The following PCSK5 variants were observed in gnomAD, a reference collection of about 807,000 sequenced individuals.
The protein encoded by PCSK5 is proprotein convertase subtilisin/kexin type 5.
Under a neutral mutation model 233.2 loss-of-function variants are expected in PCSK5, and 129 were observed. The ratio of observed to expected loss-of-function variants is 0.55; its 90% CI spans 0.48 to 0.64. The LOEUF (loss-of-function observed/expected upper bound fraction) is 0.64. Among genes scored for constraint, PCSK5 ranks in the 30% least tolerant of loss-of-function variants. The probability of loss-of-function intolerance (pLI) is 0.00; values close to 1 mark genes in which losing one functional copy is unlikely to be tolerated. For missense variants in PCSK5, 2,076 were observed against 2,430.1 expected, an observed-to-expected ratio of 0.85 and a Z score of 3.06; for synonymous variants, 825 against 879.2, an observed-to-expected ratio of 0.94 and a Z score of 1.09.
chr9:76,302,815 T>C (rs1828653597), intron 28 of PCSK5, among the ~76,000 whole-genome samples: 1 of 152,200 alleles, frequency 6.6e-6, no homozygotes, highest in African/African-American at 2.4e-5. Flanking sequence ...GACATCACAG[T>C]ACATGCCTTT....
intron 22 of PCSK5, among the ~76,000 whole-genome samples, chr9:76,234,957 C>T (rs1323607121): frequency 6.6e-6 from 1 of 152,164 alleles, no homozygotes. Context: ...GCTGCCCTAA[C>T]CTCCTTGCCT....
intron 3 of PCSK5, 120 bp downstream of exon 3, chr9:75,986,365 A>G: frequency 1.6e-6 from 1 of 639,458 alleles, no homozygotes; most frequent in East Asian, 2.7e-5. Flanking sequence ...TCCTATTTTA[A>G]TACCCACCAT....
chr9:76,065,226 T>G (rs1360480436), intron 5 of PCSK5, among the ~76,000 whole-genome samples: 1 of 152,246 alleles, frequency 6.6e-6, no homozygotes, highest in Non-Finnish European at 1.5e-5. Context: ...GCCATACTGT[T>G]TTCTGTAGTG....
In PCSK5 at chr9:76,047,676, G is replaced by T. The variant is rs187059371; in HGVS notation, c.633-20279G>T. On this transcript the variant is annotated intron_variant, in intron 5 of 37. Coordinates refer to ENST00000674117, the MANE Select transcript of PCSK5 (RefSeq NM_001372043.1). ...ACAACTTGCCCAATTTGGAGAGGCA[G>T]TGTAGGAGGGACTCATTAATGGGAT... Among the ~76,000 whole-genome samples the T allele has an allele frequency of 7.0e-4, 107 of 152,274 alleles. 1 individual carries two copies. Among genetic ancestry groups the T allele is most frequent in the African/African-American group, 2.5e-3 (104 of 41,552 alleles).
At chr9:76,245,463 CT>C (rs1826561307) in intron 24 of PCSK5, among the ~76,000 whole-genome samples, 1 of 152,170 alleles carries the variant, frequency 6.6e-6, no homozygotes, top group South Asian at 2.1e-4. Context: ...TCAAGGAAGG[CT>C]TTTAAGAAGA....
rs1824484824 is a variant in PCSK5 at position 76,192,981 on chromosome 9, ATC to A, written c.2626+3237_2626+3238del. On this transcript the variant is annotated intron_variant, in intron 20 of 37. Transcript: ENST00000674117. ...TGATTTCTAATTTATTCTTTTTCTA[ATC>A]TTTTTTTTTTTTCACAAATGGATAC... Among the ~76,000 whole-genome samples the A allele has an allele frequency of 1.0e-4, 8 of 79,404 alleles. No individual in the cohort carries two copies. In the South Asian group the frequency reaches 4.1e-3, roughly 41 times the overall value. The allele number at this position is 79,404 out of a possible 152,430, so 52.1% of individuals were successfully genotyped here. A position where few individuals can be genotyped will look rare whatever the true frequency, so the allele number is the denominator to read the frequency against.
rs111387861 is a variant in PCSK5, at chr9:76,168,735, A to G, written c.1620-969A>G. Among the ~76,000 whole-genome samples, 9 of 152,260 alleles carry G rather than the reference A, an allele frequency of 5.9e-5. 1 individual carries two copies. Among genetic ancestry groups the G allele is most frequent in the Middle Eastern group, 3.4e-3 (1 of 294 alleles). On this transcript the variant is annotated intron_variant, in intron 12 of 37. Coordinates refer to ENST00000674117, the MANE Select transcript of PCSK5 (RefSeq NM_001372043.1). ...TTTATTGAAGCATAATTTACCTACAATGTAAATTCAGTTTTTTATGTGAAT... is the reference window on the plus strand; with the variant it reads ...TTTATTGAAGCATAATTTACCTACAGTGTAAATTCAGTTTTTTATGTGAAT...
chr9:75,925,105 A>G (rs1017586250), intron 1 of PCSK5, among the ~76,000 whole-genome samples: 4 of 152,128 alleles, frequency 2.6e-5, no homozygotes, highest in Admixed American at 6.6e-5. Context: ...TATAAGTATG[A>G]TTTTTGTTCA....
intron 34 of PCSK5, among the ~76,000 whole-genome samples, chr9:76,333,072 A>T (rs578008893): frequency 2.0e-4 from 31 of 152,342 alleles, no homozygotes; most frequent in African/African-American, 7.0e-4. Context: ...GCTTCTATAG[A>T]AGCTGAGGCA....
intron 1 of PCSK5, among the ~76,000 whole-genome samples, chr9:75,905,861 C>T (rs570007617): frequency 2.1e-4 from 32 of 152,262 alleles, no homozygotes; most frequent in African/African-American, 7.0e-4. Context: ...CCTCCCCTGT[C>T]CATGGAAAAA....
At chr9:75,935,151 G>A (rs955030162) in intron 2 of PCSK5, among the ~76,000 whole-genome samples, 3 of 151,974 alleles carry the variant, frequency 2.0e-5, no homozygotes, top group East Asian at 1.9e-4. Context: ...CACTGCAACC[G>A]CTGTCTCCCG....
At chr9:75,950,781 C>T (rs2131323117) in intron 2 of PCSK5, among the ~76,000 whole-genome samples, 1 of 152,312 alleles carries the variant, frequency 6.6e-6, no homozygotes, top group African/African-American at 2.4e-5. Context: ...ACTGCATCAA[C>T]TAACGAGCAA....
At chr9:76,234,246 T>C (rs1156567205) in intron 22 of PCSK5, among the ~76,000 whole-genome samples, 1 of 152,134 alleles carries the variant, frequency 6.6e-6, no homozygotes, top group African/African-American at 2.4e-5. Flanking sequence ...AATTTAAAAA[T>C]TGGGACATTG....
chr9:75,898,676 A>C (rs1440761970), intron 1 of PCSK5, among the ~76,000 whole-genome samples: 2 of 108,638 alleles, frequency 1.8e-5, no homozygotes, highest in South Asian at 2.4e-4. Context: ...AAAAAAAAAA[A>C]ACCCACTAGA....
intron 9 of PCSK5, among the ~76,000 whole-genome samples, chr9:76,116,889 A>G (rs1416056999): frequency 6.6e-6 from 1 of 152,062 alleles, no homozygotes; most frequent in East Asian, 1.9e-4. Context: ...TAAACCGTAA[A>G]GGGAATGAAT....
chr9:76,122,476 C>T (rs1215352105), intron 9 of PCSK5, among the ~76,000 whole-genome samples: 2 of 152,100 alleles, frequency 1.3e-5, no homozygotes, highest in African/African-American at 2.4e-5. Context: ...AAGTGTTAAA[C>T]AAACTTTGTC....
chr9:76,205,568 G>A (rs575141570), intron 20 of PCSK5, among the ~76,000 whole-genome samples: 28 of 152,180 alleles, frequency 1.8e-4, no homozygotes, highest in African/African-American at 6.5e-4. Context: ...CTGAAGTTCC[G>A]TCTCCCTGTC....
At chr9:75,928,390 G>A (rs1001438077) in intron 1 of PCSK5, among the ~76,000 whole-genome samples, 1 of 151,598 alleles carries the variant, frequency 6.6e-6, no homozygotes, top group African/African-American at 2.4e-5. Flanking sequence ...TGGAATGCCT[G>A]CTTATAGATA....
intron 7 of PCSK5, among the ~76,000 whole-genome samples, chr9:76,090,322 G>A (rs1190857999): frequency 6.6e-6 from 1 of 151,474 alleles, no homozygotes; most frequent in African/African-American, 2.4e-5. Flanking sequence ...ATATGTTTTG[G>A]TTTCTGGATA....
Sources: gnomAD v4.1 joint callset for allele counts (sites outside exome capture counted in the v4.1 genomes callset) on GRCh38, gnomAD v4.1.1 for gene constraint, MANE v1.5 for transcripts, NCBI Gene and HGNC (gene_info 2026-07-23, HGNC 2026-07-21) for gene names.